Variants in SEC31A observed in about 807,000 individuals in gnomAD.
SEC31A encodes the protein protein transport protein Sec31A.
In SEC31A, 70 loss-of-function variants were observed where a neutral mutation model predicts 151.0. That is an observed-to-expected ratio of 0.46 (90% CI 0.38 to 0.57). SEC31A has a LOEUF of 0.57. Among genes scored for constraint, SEC31A ranks in the 20% least tolerant of loss-of-function variants. The probability of loss-of-function intolerance (pLI) is 0.00; values close to 1 mark genes in which losing one functional copy is unlikely to be tolerated. For synonymous variants in SEC31A, 475 were observed against 505.9 expected (o/e 0.94, Z 0.82); for missense variants, 1,330 against 1,471.2 (o/e 0.90, Z 1.57).
intron 7 of SEC31A, 183 bp downstream of exon 7, chr4:82,871,761 C>A: frequency 1.5e-6 from 1 of 655,406 alleles, no homozygotes; most frequent in Non-Finnish European, 2.5e-6. Context: ...ATCGTTTGAA[C>A]CTGGGAGGCA....
intron 16 of SEC31A, among the ~76,000 whole-genome samples, 174 bp downstream of exon 16, chr4:82,856,778 C>A (rs549383928): frequency 4.6e-5 from 7 of 152,078 alleles, no homozygotes; most frequent in African/African-American, 1.7e-4. Flanking sequence ...ACAAAAACAA[C>A]AAAACTAGAA....
chr4:82,866,319 A>T (rs1338831853), intron 10 of SEC31A, among the ~76,000 whole-genome samples: 1 of 152,126 alleles, frequency 6.6e-6, no homozygotes, highest in Non-Finnish European at 1.5e-5. Flanking sequence ...AAAAATACAA[A>T]AACCAGCCAG....
chr4:82,829,227 T>C, intron 22 of SEC31A, 169 bp from the exon 23 acceptor site: 4 of 569,406 alleles, frequency 7.0e-6, no homozygotes, highest in Non-Finnish European at 1.3e-5. Context: ...ATTCTCACAC[T>C]CACATCTCTT....
At chr4:82,848,254 C>T (rs920983289) in intron 20 of SEC31A, among the ~76,000 whole-genome samples, 1 of 149,938 alleles carries the variant, frequency 6.7e-6, no homozygotes, top group Non-Finnish European at 1.5e-5. Flanking sequence ...TCACATTCCA[C>T]ATAATCTAAA....
At chr4:82,830,259 G>C (rs1378040694) in intron 22 of SEC31A, among the ~76,000 whole-genome samples, 3 of 152,082 alleles carry the variant, frequency 2.0e-5, no homozygotes, top group Non-Finnish European at 2.9e-5. Flanking sequence ...TCAGGAGTTC[G>C]AGACCAGCCT....
intron 8 of SEC31A, among the ~76,000 whole-genome samples, chr4:82,868,554 T>C (rs1245880320): frequency 6.6e-6 from 1 of 152,034 alleles, no homozygotes; most frequent in African/African-American, 2.4e-5. Context: ...AAATGGCTTA[T>C]ATGAAACCTT....
chr4:82,830,229 G>A (rs887845068), intron 22 of SEC31A, among the ~76,000 whole-genome samples: 5 of 152,208 alleles, frequency 3.3e-5, no homozygotes, highest in Admixed American at 3.3e-4. Context: ...TTTGGGCTGA[G>A]GCGGGTGGAT....
intron 25 of SEC31A, among the ~76,000 whole-genome samples, 188 bp downstream of exon 25, chr4:82,824,367 C>T (rs894786719): frequency 6.6e-6 from 1 of 152,070 alleles, no homozygotes; most frequent in African/African-American, 2.4e-5. Flanking sequence ...CCACACACAG[C>T]TAATTTTTTG....
chr4:82,865,583 T>TATATATATATATATAC (rs1560638362), intron 10 of SEC31A, among the ~76,000 whole-genome samples: 3 of 99,692 alleles, frequency 3.0e-5, no homozygotes, highest in South Asian at 3.2e-4. Context: ...TATATATATA[T>TATATATATATATATAC]ACAATGCAAT....
chr4:82,846,451 T>C (rs1452714954), intron 20 of SEC31A, among the ~76,000 whole-genome samples: 1 of 150,748 alleles, frequency 6.6e-6, no homozygotes, highest in Non-Finnish European at 1.5e-5. Context: ...TGGGTCCACT[T>C]AGATGTGAAT....
chr4:82,871,866 G>A (rs573111304), intron 7 of SEC31A, 78 bp downstream of exon 7: 244 of 1,590,138 alleles, frequency 1.5e-4, no homozygotes, highest in Non-Finnish European at 1.2e-4. Flanking sequence ...GTCCTATGGT[G>A]TATTTCTGGT....
intron 3 of SEC31A, chr4:82,898,085 AAAATTTTTTGTG>A (rs2126006075): frequency 6.6e-6 from 1 of 152,368 alleles, no homozygotes; most frequent in African/African-American, 2.4e-5. Context: ...ATTTTCTTTT[AAAATTTTTTGTG>A]CAATAGTCAA....
rs577058661 is a variant in SEC31A at position 82,875,826 on chromosome 4, C to T, written c.403-4G>A. ...CACCAGAAGCTACCAGATTAGTCTGCAAGAAGAAACCATAACTAAATAGCA... is the reference window on the plus strand; with the variant it reads ...CACCAGAAGCTACCAGATTAGTCTGTAAGAAGAAACCATAACTAAATAGCA... On this transcript the variant is annotated splice_polypyrimidine_tract_variant and splice_region_variant and intron_variant, in intron 4 of 26. Transcript: ENST00000395310. 6 of 1,529,664 alleles carry T rather than the reference C, an allele frequency of 3.9e-6. No homozygotes were observed. Among genetic ancestry groups the T allele is most frequent in the Middle Eastern group, 1.8e-4 (1 of 5,466 alleles). 94.8% of individuals were successfully genotyped at this position (1,529,664 alleles called of 1,614,324 possible).
chr4:82,879,293 C>T (rs1285006510), intron 3 of SEC31A, among the ~76,000 whole-genome samples: 1 of 149,178 alleles, frequency 6.7e-6, no homozygotes, highest in African/African-American at 2.5e-5. Flanking sequence ...TAAAATAGAG[C>T]TAATCAATCA....
intron 20 of SEC31A, 57 bp from the exon 21 acceptor site, chr4:82,844,566 A>C: frequency 2.0e-6 from 3 of 1,528,726 alleles, no homozygotes; most frequent in Non-Finnish European, 2.7e-6. Context: ...GAACTTCACC[A>C]GATGGAATTA....
rs914581408 is a variant in SEC31A at position 82,869,110 on chromosome 4, C to A, written c.882+1215G>T. On this transcript the variant is annotated intron_variant, in intron 8 of 26. Transcript: ENST00000395310. ...TCCTTTATTTGCATTTGAACAAATT[C>A]CAATTTTTATTTATTTATTTATTTT... Among the ~76,000 whole-genome samples, 99 of 151,790 alleles carry A rather than the reference C, an allele frequency of 6.5e-4. 1 individual carries two copies. The highest frequency in any genetic ancestry group is 2.3e-3 in the African/African-American group (96 of 41,410).
intron 10 of SEC31A, among the ~76,000 whole-genome samples, chr4:82,865,044 G>A (rs1578295837): frequency 3.9e-5 from 6 of 152,118 alleles, no homozygotes; most frequent in Admixed American, 3.3e-4. Flanking sequence ...CAGATAGGAC[G>A]ATGAGAAGAT....
At chr4:82,891,241 A>G, upstream of SEC31A, 1 of 1,423,880 alleles carries the variant, frequency 7.0e-7, no homozygotes, top group South Asian at 1.2e-5. Context: ...TGCGCCCAAC[A>G]CTTCCGGGAG....
Position 82,860,319 on chromosome 4 carries a change from GACT to G in SEC31A, c.1626+1309_1626+1311del, listed in dbSNP as rs527255345. Among the ~76,000 whole-genome samples, 18 of 152,160 alleles carry G rather than the reference GACT, an allele frequency of 1.2e-4. No homozygotes were observed. The East Asian group carries it at 3.1e-3, about 26-fold the overall frequency. ...CAAAGAACCAAAAGTACACATTGAT[GACT>G]ACTATTTCATTAAATGCATATATTT... is the stretch of plus-strand genomic sequence containing the variant. On this transcript the variant is annotated intron_variant, in intron 14 of 26. Coordinates refer to ENST00000395310, the MANE Select transcript of SEC31A (RefSeq NM_001077207.4).
Sources: gnomAD v4.1 joint callset for allele counts (sites outside exome capture counted in the v4.1 genomes callset) on GRCh38, gnomAD v4.1.1 for gene constraint, MANE v1.5 for transcripts, NCBI Gene and HGNC (gene_info 2026-07-23, HGNC 2026-07-21) for gene names.